The following BAZ2B variants were observed in gnomAD, a reference collection of about 807,000 sequenced individuals.
BAZ2B encodes the protein bromodomain adjacent to zinc finger domain 2B, also known as bromodomain adjacent to zinc finger domain protein 2B.
Under a neutral mutation model 246.0 loss-of-function variants are expected in BAZ2B, and 91 were observed. The observed-to-expected ratio is 0.37, with a 90% CI of 0.31 to 0.44. The LOEUF is 0.44. BAZ2B is among the 20% of genes least tolerant of loss of function. The probability of loss-of-function intolerance (pLI) is 1.00; values close to 1 mark genes in which losing one functional copy is unlikely to be tolerated. For synonymous variants in BAZ2B, 855 were observed against 860.0 expected, an observed-to-expected ratio of 0.99 and a Z score of 0.10; for missense variants, 2,332 against 2,533.7, an observed-to-expected ratio of 0.92 and a Z score of 1.71.
the BAZ2B span, among the ~76,000 whole-genome samples, chr2:159,647,461 A>C: frequency 1.3e-5 from 2 of 152,180 alleles, no homozygotes; most frequent in African/African-American, 4.8e-5. Flanking sequence ...CATTAGGGAG[A>C]ACAATCTCCT....
At chr2:159,594,456 A>G (rs918106904) in intron 1 of BAZ2B, among the ~76,000 whole-genome samples, 1 of 152,248 alleles carries the variant, frequency 6.6e-6, no homozygotes, top group African/African-American at 2.4e-5. Flanking sequence ...TTTAATCTTA[A>G]GAACCCAAGT....
intron 2 of BAZ2B, among the ~76,000 whole-genome samples, chr2:159,551,837 T>C (rs1278499852): frequency 6.6e-6 from 1 of 152,146 alleles, no homozygotes; most frequent in Non-Finnish European, 1.5e-5. Context: ...TATTGATGAG[T>C]ATGATGAGGG....
At chr2:159,383,436 C>T (rs918189812) in intron 24 of BAZ2B, among the ~76,000 whole-genome samples, 170 bp downstream of exon 24, 3 of 152,020 alleles carry the variant, frequency 2.0e-5, no homozygotes, top group Admixed American at 6.6e-5. Flanking sequence ...ATCTTTTGTC[C>T]ATTGCAAATT....
At chr2:159,429,434 G>A (rs944857891) in intron 10 of BAZ2B, among the ~76,000 whole-genome samples, 174 bp from the exon 11 acceptor site, 3 of 151,802 alleles carry the variant, frequency 2.0e-5, no homozygotes, top group African/African-American at 7.3e-5. Flanking sequence ...ATAAGGCAGG[G>A]GGCTTTTTTC....
intron 13 of BAZ2B, among the ~76,000 whole-genome samples, chr2:159,417,175 GTT>G (rs536077331): frequency 1.5e-5 from 2 of 134,580 alleles, no homozygotes. Flanking sequence ...TTTTTTTTTT[GTT>G]TTTTTTTTTT....
chr2:159,349,417 T>A, intron 28 of BAZ2B, 137 bp from the exon 29 acceptor site: 1 of 980,826 alleles, frequency 1.0e-6, no homozygotes, highest in South Asian at 2.0e-5. Flanking sequence ...ACAAAATACA[T>A]TAGCAACAAA....
the BAZ2B span, among the ~76,000 whole-genome samples, chr2:159,631,018 AC>A: frequency 6.6e-6 from 1 of 150,594 alleles, no homozygotes; most frequent in African/African-American, 2.4e-5. Context: ...ACGTGGTGAA[AC>A]CCCAACTTTA....
Position 159,350,015 on chromosome 2 carries a change from T to C in BAZ2B, c.4556A>G (p.Asn1519Ser), listed in dbSNP as rs776614508. The C allele has an allele frequency of 1.1e-4, 181 of 1,614,198 alleles. 1 individual carries two copies. The South Asian group carries it at 1.7e-3, about 16-fold the overall frequency. The change falls in exon 28 of 37, where the codon AAT becomes AGT. Residue 1519 changes from asparagine (N) to serine (S), a missense_variant. Around this residue, in one of 9 missense-constraint regions of BAZ2B, gnomAD observed 676 missense variants for 668.6 expected, o/e 1.01. Coordinates refer to ENST00000392783, the MANE Select transcript of BAZ2B (RefSeq NM_013450.4). ...GSVQSTATQS[N>S]VEKADSNNLF... ...ATTATTAGAGTCTGCCTTTTCCACATTGCTTTGCGTTGCTGTTGACTGAAC... is the reference window on the plus strand; with the variant it reads ...ATTATTAGAGTCTGCCTTTTCCACACTGCTTTGCGTTGCTGTTGACTGAAC...
At chr2:159,478,554 G>C (rs775158774) in intron 3 of BAZ2B, 21 bp downstream of exon 3, 1 of 1,569,700 alleles carries the variant, frequency 6.4e-7, no homozygotes, top group East Asian at 2.3e-5. Flanking sequence ...TTCTAAAATT[G>C]AGTTAAAAAA....
intron 1 of BAZ2B, among the ~76,000 whole-genome samples, chr2:159,593,071 T>C (rs1689774877): frequency 6.6e-6 from 1 of 152,208 alleles, no homozygotes; most frequent in Admixed American, 6.5e-5. Context: ...ACTCTACTGC[T>C]AAGGGAAACA....
chr2:159,348,178 G>GGTGT (rs1417719073), intron 30 of BAZ2B, among the ~76,000 whole-genome samples: 2 of 151,756 alleles, frequency 1.3e-5, no homozygotes, highest in Admixed American at 6.6e-5. Context: ...AAACTAGCTG[G>GGTGT]GTGTGGGGGC....
the BAZ2B span, among the ~76,000 whole-genome samples, chr2:159,648,466 C>T: frequency 1.3e-5 from 2 of 152,098 alleles, no homozygotes; most frequent in South Asian, 2.1e-4. Flanking sequence ...TGCTTCCCCC[C>T]ACTCTTCCAT....
intron 2 of BAZ2B, among the ~76,000 whole-genome samples, chr2:159,554,794 T>C (rs376497747): frequency 6.6e-6 from 1 of 152,130 alleles, no homozygotes; most frequent in Non-Finnish European, 1.5e-5. Flanking sequence ...AAGTTCATGA[T>C]TGTAATTCAG....
intron 2 of BAZ2B, among the ~76,000 whole-genome samples, chr2:159,520,365 C>G (rs1319397233): frequency 6.6e-6 from 1 of 152,068 alleles, no homozygotes; most frequent in Non-Finnish European, 1.5e-5. Context: ...CAGTTTAGGT[C>G]TCATCACTTT....
intron 1 of BAZ2B, among the ~76,000 whole-genome samples, chr2:159,557,266 A>T (rs1173588759): frequency 2.1e-5 from 3 of 141,642 alleles, no homozygotes. Flanking sequence ...CATGTTGCCC[A>T]GGCTGGTCTC....
At chr2:159,583,036 A>G (rs1391867996) in intron 1 of BAZ2B, among the ~76,000 whole-genome samples, 2 of 152,158 alleles carry the variant, frequency 1.3e-5, no homozygotes, top group East Asian at 3.8e-4. Flanking sequence ...ACTTATACAT[A>G]TAAGTAAAAA....
At chr2:159,324,342 A>G (rs1265536561) in intron 36 of BAZ2B, among the ~76,000 whole-genome samples, 10 of 152,202 alleles carry the variant, frequency 6.6e-5, no homozygotes, top group Non-Finnish European at 7.3e-5. Context: ...CTTAATATGT[A>G]AAGCTTCCAA....
intron 33 of BAZ2B, among the ~76,000 whole-genome samples, chr2:159,334,999 G>C (rs932142870): frequency 1.3e-5 from 2 of 151,846 alleles, no homozygotes; most frequent in Admixed American, 1.3e-4. Flanking sequence ...CTACAGCCTC[G>C]AACTCTTGGG....
chr2:159,580,031 C>A (rs1686354228), intron 1 of BAZ2B, among the ~76,000 whole-genome samples: 1 of 152,190 alleles, frequency 6.6e-6, no homozygotes. Flanking sequence ...CCCTCTCTCA[C>A]CACTCCTATT....
Sources: gnomAD v4.1 joint callset for allele counts (sites outside exome capture counted in the v4.1 genomes callset) on GRCh38, gnomAD v4.1.1 for gene constraint, gnomAD v4.1.1 regional missense constraint, MANE v1.5 for transcripts, NCBI Gene and HGNC (gene_info 2026-07-23, HGNC 2026-07-21) for gene names.